The following GNG7 variants were observed in gnomAD, a reference collection of about 807,000 sequenced individuals.
The protein encoded by GNG7 is guanine nucleotide-binding protein G(I)/G(S)/G(O) subunit gamma-7.
A neutral mutation model predicts 4.0 loss-of-function variants in GNG7; 1 was observed. The ratio of observed to expected loss-of-function variants is 0.25; its 90% CI spans 0.09 to 1.18. The LOEUF (loss-of-function observed/expected upper bound fraction) is 1.18. Ranked by LOEUF, GNG7 falls within the 50% of genes most tolerant of loss-of-function variation. The pLI, the probability that GNG7 is intolerant of heterozygous loss-of-function variation, is 0.50. For missense variants in GNG7, 86 were observed against 91.9 expected (o/e 0.94, Z 0.26); for synonymous variants, 34 against 36.9 (o/e 0.92, Z 0.29).
chr19:2,565,348 A>T (rs1290108831), intron 2 of GNG7, among the ~76,000 whole-genome samples: 1 of 151,608 alleles, frequency 6.6e-6, no homozygotes, highest in African/African-American at 2.4e-5. Context: ...CGTCTCTACT[A>T]AAAAAATACA....
intron 3 of GNG7, among the ~76,000 whole-genome samples, chr19:2,554,297 C>T (rs924248189): frequency 1.3e-5 from 2 of 149,458 alleles, no homozygotes; most frequent in African/African-American, 4.9e-5. Flanking sequence ...AGTGATCCTT[C>T]TGCCTCAGCC....
At chr19:2,675,006 C>G (rs1019822471) in intron 1 of GNG7, among the ~76,000 whole-genome samples, 5 of 152,208 alleles carry the variant, frequency 3.3e-5, no homozygotes, top group African/African-American at 1.2e-4. Context: ...AACGCCTCCC[C>G]CTCTGGCTGA....
intron 2 of GNG7, among the ~76,000 whole-genome samples, chr19:2,637,214 C>CCCA (rs763677894): frequency 2.6e-5 from 4 of 151,576 alleles, no homozygotes; most frequent in South Asian, 2.1e-4. Flanking sequence ...GAACAGGCTC[C>CCCA]CCCCGCCCCC....
At chr19:2,532,130 A>T (rs1284184439) in intron 3 of GNG7, among the ~76,000 whole-genome samples, 1 of 149,472 alleles carries the variant, frequency 6.7e-6, no homozygotes, top group Middle Eastern at 3.2e-3. Context: ...CAGCCTGGGC[A>T]AAAGAACGAG....
intron 3 of GNG7, chr19:2,538,296 A>G (rs1052345796): frequency 4.4e-6 from 2 of 456,354 alleles, no homozygotes; most frequent in African/African-American, 4.0e-5. Flanking sequence ...GGTCAATTTT[A>G]GAGAGATCCC....
intron 1 of GNG7, among the ~76,000 whole-genome samples, chr19:2,663,353 C>G (rs759220865): frequency 1.1e-3 from 159 of 149,002 alleles, no homozygotes; most frequent in Non-Finnish European, 1.4e-3. Context: ...TCTCCCCCCC[C>G]TCCTCTTTCT....
chr19:2,580,058 C>T (rs1424569037), intron 2 of GNG7, among the ~76,000 whole-genome samples: 1 of 152,084 alleles, frequency 6.6e-6, no homozygotes, highest in African/African-American at 2.4e-5. Context: ...CCCCCAGTGC[C>T]ATCCCAGAGG....
intron 2 of GNG7, among the ~76,000 whole-genome samples, chr19:2,622,404 G>A (rs1449507725): frequency 5.9e-5 from 9 of 152,354 alleles, no homozygotes; most frequent in African/African-American, 2.2e-4. Context: ...GCTTGCAAAG[G>A]GTGCGGGATA....
intron 2 of GNG7, among the ~76,000 whole-genome samples, chr19:2,608,797 G>A (rs577606868): frequency 4.9e-4 from 75 of 152,340 alleles, no homozygotes; most frequent in African/African-American, 1.7e-3. Flanking sequence ...AACCCTGTCT[G>A]CTGGCACTGA....
intron 2 of GNG7, among the ~76,000 whole-genome samples, chr19:2,606,847 G>C (rs966434246): frequency 1.3e-5 from 2 of 151,860 alleles, no homozygotes; most frequent in Non-Finnish European, 2.9e-5. Flanking sequence ...GTGATGACAA[G>C]TTTCTGGAAC....
chr19:2,652,413 A>C (rs1457242154), intron 1 of GNG7, among the ~76,000 whole-genome samples: 1 of 151,994 alleles, frequency 6.6e-6, no homozygotes, highest in Admixed American at 6.6e-5. Flanking sequence ...TGAGGTTGGG[A>C]GTTCAAGACC....
At chr19:2,522,066 C>G (rs183760164) in intron 3 of GNG7, among the ~76,000 whole-genome samples, 1 of 152,166 alleles carries the variant, frequency 6.6e-6, no homozygotes, top group African/African-American at 2.4e-5. Flanking sequence ...GATGACTCTG[C>G]CCTCCATGGA....
intron 2 of GNG7, among the ~76,000 whole-genome samples, chr19:2,605,050 T>C (rs1473634412): frequency 6.6e-6 from 1 of 152,196 alleles, no homozygotes; most frequent in African/African-American, 2.4e-5. Context: ...GGCAAGGCCG[T>C]GCTCCCTCTG....
chr19:2,641,260 T>C (rs763618922), intron 2 of GNG7, among the ~76,000 whole-genome samples: 1 of 152,030 alleles, frequency 6.6e-6, no homozygotes, highest in Non-Finnish European at 1.5e-5. Flanking sequence ...CTCCAGCCCA[T>C]TCCCCATGTC....
intron 2 of GNG7, among the ~76,000 whole-genome samples, chr19:2,631,223 G>A (rs1982150595): frequency 6.6e-6 from 1 of 152,190 alleles, no homozygotes; most frequent in African/African-American, 2.4e-5. Flanking sequence ...GTTCAGAAAA[G>A]CACAGAGATG....
At chr19:2,519,591 T>C (rs546305231) in intron 4 of GNG7, among the ~76,000 whole-genome samples, 21 of 104,926 alleles carry the variant, frequency 2.0e-4, no homozygotes, top group African/African-American at 6.6e-4. Context: ...GTGCCTCACA[T>C]GCAAAATTTT....
chr19:2,575,834 G>C (rs1196974543), intron 2 of GNG7, among the ~76,000 whole-genome samples: 42 of 78,994 alleles, frequency 5.3e-4, no homozygotes, highest in Admixed American at 1.3e-3. Context: ...CACGCAGACA[G>C]GCAGGCACAC....
At chr19:2,568,292 T>TGC (rs1568246846) in intron 2 of GNG7, among the ~76,000 whole-genome samples, 2 of 66,782 alleles carry the variant, frequency 3.0e-5, no homozygotes, top group African/African-American at 9.4e-5. Context: ...TACACACATA[T>TGC]ACACACGCAC....
chr19:2,515,299 G>A (rs987052738), intron 4 of GNG7, 152 bp from the exon 5 acceptor site: 22 of 854,278 alleles, frequency 2.6e-5, no homozygotes, highest in Admixed American at 5.6e-5. Context: ...CCGTCCACAC[G>A]CTGGAATATT....
Sources: allele counts gnomAD v4.1 joint callset (sites outside exome capture counted in the v4.1 genomes callset), GRCh38; gene constraint gnomAD v4.1.1; transcripts MANE v1.5; gene names NCBI Gene and HGNC (gene_info 2026-07-23, HGNC 2026-07-21).